Variants in STIL observed in about 807,000 individuals in gnomAD.
STIL encodes the protein SCL-interrupting locus protein.
A neutral mutation model predicts 110.1 loss-of-function variants in STIL; 55 were observed. The observed-to-expected ratio is 0.50, with a 90% confidence interval of 0.40 to 0.63. The LOEUF is 0.63. Ranked by LOEUF, STIL falls within the 20% of genes least tolerant of loss-of-function variation. The pLI is 0.00. For missense variants in STIL, 1,358 were observed against 1,530.0 expected (o/e 0.89, Z 1.87); for synonymous variants, 481 against 530.0 (o/e 0.91, Z 1.27).
chr1:47,254,168 G>C (rs989575634), intron 16 of STIL, among the ~76,000 whole-genome samples: 1 of 111,442 alleles, frequency 9.0e-6, no homozygotes, highest in Non-Finnish European at 1.7e-5. Flanking sequence ...GTGACAGAGT[G>C]AGACTCTGTC....
chr1:47,271,678 C>T (rs140099139), intron 13 of STIL, among the ~76,000 whole-genome samples: 23 of 151,356 alleles, frequency 1.5e-4, no homozygotes, highest in African/African-American at 2.9e-4. Context: ...CGGTGGCTCA[C>T]GCCTGTAATC....
intron 5 of STIL, among the ~76,000 whole-genome samples, chr1:47,300,900 T>C (rs1186302662): frequency 6.6e-6 from 1 of 152,222 alleles, no homozygotes; most frequent in African/African-American, 2.4e-5. Flanking sequence ...GTTTCACTGC[T>C]ACCATTGTAC....
At chr1:47,299,742 A>G in intron 6 of STIL, 163 bp downstream of exon 6, 1 of 825,554 alleles carries the variant, frequency 1.2e-6, no homozygotes, top group South Asian at 1.8e-5. Flanking sequence ...AAAATTTCAT[A>G]TTCAACGAAA....
intron 8 of STIL, among the ~76,000 whole-genome samples, chr1:47,290,817 A>G (rs545500541): frequency 6.9e-4 from 105 of 152,330 alleles, no homozygotes; most frequent in Non-Finnish European, 1.3e-3. Context: ...TTTTTCATCT[A>G]TCAGGTTAGC....
Position 47,269,589 on chromosome 1 carries a change from A to C in STIL, c.2615+46T>G, listed in dbSNP as rs376869052. ...AATTATTATTTGTCTATCAAAAAAA[A>C]TTTTTTTTGAAAGTAGGATGAAAGA... On this transcript the variant is annotated intron_variant, in intron 14 of 16. Coordinates refer to ENST00000371877, the MANE Select transcript of STIL (RefSeq NM_001048166.1). 1.4e-4 allele frequency: 215 copies of C among 1,523,250 alleles called. No individual in the cohort carries two copies. In the African/African-American group the frequency reaches 2.8e-3, roughly 20 times the overall value. 94.4% of individuals were successfully genotyped at this position (1,523,250 alleles called of 1,614,324 possible). A position where few individuals can be genotyped will look rare whatever the true frequency, so the allele number is the denominator to read the frequency against.
rs1644792652 is a variant in STIL at position 47,270,252 on chromosome 1, AT to A, written c.2384-387del. 5.4e-5 allele frequency among the ~76,000 whole-genome samples: 4 copies of A among 74,712 alleles called. No individual in the cohort carries two copies. In the South Asian group the frequency reaches 1.7e-3, roughly 32 times the overall value. 49.0% of individuals were successfully genotyped at this position (74,712 alleles called of 152,430 possible). On this transcript the variant is annotated intron_variant, in intron 13 of 16. Coordinates refer to ENST00000371877, the MANE Select transcript of STIL (RefSeq NM_001048166.1). ...CAAAAAAAAAAAAAAATATATATAT[AT>A]ATACACACACACACACACACACACA...
At chr1:47,264,682 A>G (rs1051590631) in intron 14 of STIL, among the ~76,000 whole-genome samples, 1 of 152,142 alleles carries the variant, frequency 6.6e-6, no homozygotes, top group South Asian at 2.1e-4. Flanking sequence ...CGTGTCATCT[A>G]TGAATACTCA....
intron 15 of STIL, among the ~76,000 whole-genome samples, chr1:47,262,355 CT>C (rs1450374393): frequency 1.3e-5 from 2 of 152,148 alleles, no homozygotes; most frequent in Non-Finnish European, 2.9e-5. Context: ...AGAATTACCC[CT>C]TTATTCTGTG....
Position 47,275,234 on chromosome 1 carries a change from C to A in STIL, c.2218-2993G>T, listed in dbSNP as rs567600724. On this transcript the variant is annotated intron_variant, in intron 12 of 16. Coordinates refer to ENST00000371877, the MANE Select transcript of STIL (RefSeq NM_001048166.1). Reference sequence around the variant, plus strand: ...TAAATAAATATGTGAGTCCAGTCATCTGATTTAAAAAAAAAAACTTACTTA... The same window carrying A: ...TAAATAAATATGTGAGTCCAGTCATATGATTTAAAAAAAAAAACTTACTTA... 2.9e-4 allele frequency among the ~76,000 whole-genome samples: 44 copies of A among 151,096 alleles called. 1 individual carries two copies. The highest frequency in any genetic ancestry group is 5.3e-4 in the Non-Finnish European group (36 of 67,884).
chr1:47,294,853 T>C (rs1645596214), intron 7 of STIL, among the ~76,000 whole-genome samples: 1 of 152,134 alleles, frequency 6.6e-6, no homozygotes, highest in East Asian at 1.9e-4. Context: ...TAAGGATGAG[T>C]GGTAGTGAGA....
intron 12 of STIL, 144 bp from the exon 13 acceptor site, chr1:47,272,385 A>T: frequency 1.3e-6 from 1 of 783,694 alleles, no homozygotes; most frequent in Non-Finnish European, 2.1e-6. Flanking sequence ...AGACCATACC[A>T]TGAAACTTAT....
chr1:47,295,217 G>A (rs1489887210), intron 7 of STIL, among the ~76,000 whole-genome samples: 1 of 152,030 alleles, frequency 6.6e-6, no homozygotes, highest in Non-Finnish European at 1.5e-5. Context: ...GATTACAGGC[G>A]TGAGCCACTG....
At position 47,302,259 on chromosome 1, in the gene STIL, T is replaced by C; in HGVS notation, c.240A>G (p.Leu80=). The C allele has an allele frequency of 1.2e-6, 2 of 1,613,928 alleles. No individual in the cohort carries two copies. Among genetic ancestry groups the C allele is most frequent in the East Asian group, 2.2e-5 (1 of 44,870 alleles). The change falls in exon 4 of 17, where the codon TTA becomes TTG. Residue 80 remains leucine, a synonymous_variant. Coordinates refer to ENST00000371877, the MANE Select transcript of STIL (RefSeq NM_001048166.1). ...KQNKKNSSCF[L]LGSLTADEDE... is the part of the protein sequence containing the mutation. ...CTTCGTCTGCTGTCAGAGAACCAAG[T>C]AAAAAGCATGACGAATTTTTTTTAT...
rs532225147 is a variant in STIL, at chr1:47,271,992, C to T, written c.2383+84G>A. On this transcript the variant is annotated intron_variant, in intron 13 of 16. Coordinates refer to ENST00000371877, the MANE Select transcript of STIL (RefSeq NM_001048166.1). ...GGTTTTGGTCCTACTGCACCATGCA[C>T]CAATTTGAACATAAAATTCAAAAAC... The T allele has an allele frequency of 6.5e-5, 96 of 1,474,168 alleles. 1 individual carries two copies. The African/African-American group carries it at 1.0e-3, about 16-fold the overall frequency. The allele number at this position is 1,474,168 out of a possible 1,614,324, so 91.3% of individuals were successfully genotyped here. A position where few individuals can be genotyped will look rare whatever the true frequency, so the allele number is the denominator to read the frequency against.
intron 3 of STIL, 96 bp downstream of exon 3, chr1:47,304,793 A>G: frequency 1.0e-6 from 1 of 961,066 alleles, no homozygotes; most frequent in South Asian, 1.5e-5. Flanking sequence ...GTAAAGAAAA[A>G]TGAATAATTG....
chr1:47,260,587 T>G (rs1315534172), intron 15 of STIL, 48 bp from the exon 16 acceptor site: 1 of 1,591,588 alleles, frequency 6.3e-7, no homozygotes, highest in Admixed American at 1.7e-5. Flanking sequence ...ATTAACAATG[T>G]TAGGGCTGGG....
intron 15 of STIL, among the ~76,000 whole-genome samples, chr1:47,261,745 CAAAA>C (rs34657491): frequency 8.0e-6 from 1 of 124,430 alleles, no homozygotes; most frequent in Non-Finnish European, 1.7e-5. Flanking sequence ...GACTCTGTCT[CAAAA>C]AAAAAAAAAA....
chr1:47,313,038 C>T (rs1019160002), intron 1 of STIL: 1 of 152,152 alleles, frequency 6.6e-6, no homozygotes, highest in Admixed American at 6.6e-5. Flanking sequence ...AAGTCAATGG[C>T]TCATGTCAGG....
At chr1:47,277,348 TC>T (rs1442075972) in intron 12 of STIL, among the ~76,000 whole-genome samples, 4 of 152,154 alleles carry the variant, frequency 2.6e-5, no homozygotes, top group African/African-American at 7.2e-5. Flanking sequence ...ACAAGCCAAG[TC>T]ATAAAGGGCT....
Sources: gnomAD v4.1 joint callset for allele counts (sites outside exome capture counted in the v4.1 genomes callset) on GRCh38, gnomAD v4.1.1 for gene constraint, MANE v1.5 for transcripts, NCBI Gene and HGNC (gene_info 2026-07-23, HGNC 2026-07-21) for gene names.